IRAG1: variants seen among roughly 807,000 people sequenced by gnomAD.
IRAG1 encodes the protein IP3R-associated cGMP kinase substrate.
Under a neutral mutation model 106.2 loss-of-function variants are expected in IRAG1, and 62 were observed. That is an observed-to-expected ratio of 0.58 (90% CI 0.48 to 0.72). IRAG1 has a LOEUF of 0.72. Ranked by LOEUF, IRAG1 falls within the 30% of genes least tolerant of loss-of-function variation. The pLI, the probability that IRAG1 is intolerant of heterozygous loss-of-function variation, is 0.00. For missense variants in IRAG1, 1,064 were observed against 1,140.7 expected (o/e 0.93, Z 0.97); for synonymous variants, 462 against 443.9 (o/e 1.04, Z -0.51).
chr11:10,578,812 C>T (rs1042631766), intron 20 of IRAG1, among the ~76,000 whole-genome samples: 9 of 151,928 alleles, frequency 5.9e-5, no homozygotes, highest in African/African-American at 2.2e-4. Flanking sequence ...GAGCCCCTTG[C>T]TTTGCAAACC....
At position 10,665,419 on chromosome 11, in the gene IRAG1, C is replaced by T. The variant is rs905227847; in HGVS notation, c.68-13237G>A. 6.6e-6 allele frequency among the ~76,000 whole-genome samples: 1 copy of T among 152,210 alleles called. No homozygotes were observed. The highest frequency in any genetic ancestry group is 1.5e-5 in the Non-Finnish European group (1 of 68,042). ...CTCCAGAGGAGTGACTCGGTTTGAC[C>T]AACCTCCATGTTCCTGCCTAGACGA... On this transcript the variant is annotated intron_variant, in intron 1 of 20. Transcript: ENST00000423302. The surrounding 1 kb of genome is among the most constrained non-coding windows in gnomAD (Gnocchi z 4.2).
chr11:10,623,703 A>T, intron 10 of IRAG1, 75 bp downstream of exon 10: 1 of 1,357,362 alleles, frequency 7.4e-7, no homozygotes, highest in Non-Finnish European at 1.1e-6. Flanking sequence ...TCTTGTGTTT[A>T]CACATTCACC....
intron 7 of IRAG1, 58 bp downstream of exon 7, chr11:10,627,915 G>A: frequency 1.3e-6 from 2 of 1,579,124 alleles, no homozygotes; most frequent in East Asian, 2.2e-5. Context: ...TGGTGTTCGG[G>A]GTAAGGGGAG....
intron 1 of IRAG1, among the ~76,000 whole-genome samples, chr11:10,689,033 C>T (rs1861867313): frequency 6.6e-6 from 1 of 152,212 alleles, no homozygotes; most frequent in South Asian, 2.1e-4. Flanking sequence ...GCACACGGTA[C>T]ACACTCACCA....
In IRAG1 at chr11:10,633,966, A is replaced by G. The variant is rs774505928; in HGVS notation, c.329+2T>C. On this transcript the variant is annotated splice_donor_variant, in intron 3 of 20. Coordinates refer to ENST00000423302, the MANE Select transcript of IRAG1 (RefSeq NM_130385.4). LOFTEE classifies it high-confidence loss of function. ...CACAATGCAAGGATCAGGCACCTGT[A>G]CCTGTTGGCCAGGTTTTTGTCGGTT... is the stretch of plus-strand genomic sequence containing the variant. 36 of 1,598,646 alleles carry G rather than the reference A, an allele frequency of 2.3e-5. No individual in the cohort carries two copies. The African/African-American group carries it at 3.7e-4, about 17-fold the overall frequency.
chr11:10,579,279 T>C (rs1351330617), intron 20 of IRAG1, among the ~76,000 whole-genome samples: 1 of 152,180 alleles, frequency 6.6e-6, no homozygotes, highest in Non-Finnish European at 1.5e-5. Flanking sequence ...TGCCTATCCA[T>C]TTTGCTTCTA....
Position 10,591,609 on chromosome 11 carries a change from C to G in IRAG1, c.2179G>C (p.Glu727Gln). 1 of 1,591,862 alleles carries G rather than the reference C, an allele frequency of 6.3e-7. No homozygotes were observed. The highest frequency in any genetic ancestry group is 2.3e-5 in the East Asian group (1 of 44,018). The part of the protein sequence containing the change: ...SSIPSLPALS[E>Q]SPNGKGSLPV... ...AGGCTGCCTTTCCCATTGGGTGATT[C>G]CGACTGAGTGAAAAACAGAAGACAG... Residue 727 changes from glutamate (E) to glutamine (Q), a missense_variant, in exon 18 of 21, where the codon GAA (glutamate) becomes CAA (glutamine). By Grantham distance (29) the Glu-to-Gln change is conservative (BLOSUM62 2). Transcript: ENST00000423302.
intron 18 of IRAG1, among the ~76,000 whole-genome samples, chr11:10,585,541 T>C (rs548206869): frequency 6.6e-6 from 1 of 152,100 alleles, no homozygotes; most frequent in Admixed American, 6.5e-5. Flanking sequence ...AATACCTTCT[T>C]GGGTCATTTG....
chr11:10,656,911 A>G (rs912480616), intron 1 of IRAG1, among the ~76,000 whole-genome samples: 1 of 152,098 alleles, frequency 6.6e-6, no homozygotes, highest in African/African-American at 2.4e-5. Flanking sequence ...GAGTACTCCC[A>G]GTGAGGCTAA....
At chr11:10,654,905 AT>A (rs1262158999) in intron 1 of IRAG1, among the ~76,000 whole-genome samples, 7 of 152,206 alleles carry the variant, frequency 4.6e-5, no homozygotes, top group Non-Finnish European at 1.0e-4. Context: ...GGGCCAGGGC[AT>A]GCTGTCTGTG....
chr11:10,640,901 G>T (rs1028714863), intron 2 of IRAG1, among the ~76,000 whole-genome samples: 1 of 152,172 alleles, frequency 6.6e-6, no homozygotes, highest in African/African-American at 2.4e-5. Context: ...TATCTCACAG[G>T]GTAGTTATAA....
At chr11:10,627,163 G>A (rs543522655) in intron 8 of IRAG1, among the ~76,000 whole-genome samples, 1 of 152,276 alleles carries the variant, frequency 6.6e-6, no homozygotes, top group South Asian at 2.1e-4. Context: ...TGAGCAGCAC[G>A]TGGGTCTGGG....
At chr11:10,684,981 TG>T (rs1364988506) in intron 1 of IRAG1, among the ~76,000 whole-genome samples, 2 of 152,316 alleles carry the variant, frequency 1.3e-5, no homozygotes, top group Non-Finnish European at 2.9e-5. Flanking sequence ...TCCTGAGCTC[TG>T]GAAGAGTCTC....
chr11:10,654,401 A>G (rs566048143), intron 1 of IRAG1, among the ~76,000 whole-genome samples: 6 of 152,380 alleles, frequency 3.9e-5, no homozygotes, highest in Admixed American at 3.3e-4. Context: ...GGTGACCACC[A>G]TCTTGATTGC....
chr11:10,576,987 T>C (rs951366364), intron 20 of IRAG1, among the ~76,000 whole-genome samples: 1 of 152,236 alleles, frequency 6.6e-6, no homozygotes, highest in African/African-American at 2.4e-5. Context: ...AGCACCTAGC[T>C]GCATTAATGA....
At chr11:10,637,147 C>G (rs1857205305) in intron 2 of IRAG1, among the ~76,000 whole-genome samples, 1 of 152,228 alleles carries the variant, frequency 6.6e-6, no homozygotes, top group Non-Finnish European at 1.5e-5. Context: ...TCTATTCACA[C>G]TGGTTGAGAT....
At chr11:10,601,455 A>G (rs1288215879) in intron 14 of IRAG1, among the ~76,000 whole-genome samples, 3 of 152,230 alleles carry the variant, frequency 2.0e-5, no homozygotes, top group Non-Finnish European at 4.4e-5. Context: ...AGGGAAGCAC[A>G]GGGCTTATAT....
intron 1 of IRAG1, among the ~76,000 whole-genome samples, chr11:10,661,239 T>C (rs1859377178): frequency 6.6e-6 from 1 of 152,122 alleles, no homozygotes; most frequent in African/African-American, 2.4e-5. Flanking sequence ...GCATACATCC[T>C]CCTCCTTATA....
chr11:10,622,677 G>T (rs866320187), intron 10 of IRAG1, among the ~76,000 whole-genome samples: 1 of 151,858 alleles, frequency 6.6e-6, no homozygotes, highest in African/African-American at 2.4e-5. Context: ...GGTAATTTTT[G>T]TATTTTTTGT....
Sources: gnomAD v4.1 joint callset for allele counts (sites outside exome capture counted in the v4.1 genomes callset) on GRCh38, gnomAD v4.1.1 for gene constraint, Gnocchi (gnomAD v3.1) non-coding constraint, MANE v1.5 for transcripts, NCBI Gene and HGNC (gene_info 2026-07-23, HGNC 2026-07-21) for gene names.